The following ATG7 variants were observed in gnomAD, a reference collection of about 807,000 sequenced individuals.
The protein encoded by ATG7 is autophagy related 7, also known as ubiquitin-like modifier-activating enzyme ATG7.
ATG7 carries 70 observed loss-of-function variants against 82.4 expected under a neutral mutation model. That is an observed-to-expected ratio of 0.85 (90% confidence interval 0.70 to 1.04). The LOEUF (loss-of-function observed/expected upper bound fraction) is 1.04, where lower values mean the gene tolerates loss of function less well. ATG7 is among the 50% of genes least tolerant of loss of function. The pLI is 0.00. For synonymous variants in ATG7, 287 were observed against 313.0 expected, an observed-to-expected ratio of 0.92 and a Z score of 0.88; for missense variants, 792 against 864.3, an observed-to-expected ratio of 0.92 and a Z score of 1.05.
In ATG7 at chr3:11,358,601, A is replaced by G; in HGVS notation, c.1468A>G (p.Ser490Gly). ...SRWLPAVIAA[S>G]KRKLVINAAL... ...GTGGCTTCCTGCCGTCATTGCTGCAAGCAAGAGAAAGGTAGGCCCTGTCTC... is the reference window on the plus strand; with the variant it reads ...GTGGCTTCCTGCCGTCATTGCTGCAGGCAAGAGAAAGGTAGGCCCTGTCTC... The change falls in exon 15 of 21, where the codon AGC (serine) becomes GGC (glycine). Residue 490 changes from serine (S) to glycine (G), a missense_variant. Coordinates refer to ENST00000693202, the MANE Select transcript of ATG7 (RefSeq NM_001349232.2). 6.2e-7 allele frequency: 1 copy of G among 1,613,162 alleles called. No homozygotes were observed. Among genetic ancestry groups the G allele is most frequent in the East Asian group, 2.2e-5 (1 of 44,854 alleles).
chr3:11,448,576 C>A (rs1205674335), intron 20 of ATG7, among the ~76,000 whole-genome samples: 1 of 152,196 alleles, frequency 6.6e-6, no homozygotes, highest in Non-Finnish European at 1.5e-5. Flanking sequence ...CAACACAATA[C>A]AGGCCTTGCA....
chr3:11,456,914 G>A (rs1222519862), intron 20 of ATG7, among the ~76,000 whole-genome samples: 6 of 152,188 alleles, frequency 3.9e-5, no homozygotes, highest in Non-Finnish European at 8.8e-5. Flanking sequence ...GCACCTCTCA[G>A]GTGTGACCAT....
At chr3:11,463,072 A>G (rs1005947792) in intron 20 of ATG7, among the ~76,000 whole-genome samples, 6 of 151,832 alleles carry the variant, frequency 4.0e-5, no homozygotes, top group Non-Finnish European at 5.9e-5. Flanking sequence ...TTTAGTAGAG[A>G]TGGGGTTTTG....
At chr3:11,328,800 A>G (rs1162444989) in intron 9 of ATG7, among the ~76,000 whole-genome samples, 2 of 152,218 alleles carry the variant, frequency 1.3e-5, no homozygotes, top group African/African-American at 4.8e-5. Flanking sequence ...ATGAAACAAT[A>G]TTTAGGCCAG....
At chr3:11,299,546 C>G (rs779251227) in intron 5 of ATG7, 130 bp downstream of exon 5, 9 of 867,542 alleles carry the variant, frequency 1.0e-5, no homozygotes, top group Admixed American at 4.0e-5. Context: ...GTCAGCCCCC[C>G]TCATGATTCT....
intron 11 of ATG7, among the ~76,000 whole-genome samples, chr3:11,339,150 G>A (rs977619556): frequency 6.6e-6 from 1 of 151,962 alleles, no homozygotes; most frequent in Non-Finnish European, 1.5e-5. Flanking sequence ...CAAAAAATTA[G>A]CCGGGCATGC....
intron 20 of ATG7, among the ~76,000 whole-genome samples, chr3:11,478,814 C>T (rs1004277505): frequency 1.3e-5 from 2 of 151,732 alleles, no homozygotes; most frequent in African/African-American, 4.9e-5. Context: ...CAAGCCCAAA[C>T]TTGAATTAAA....
chr3:11,574,130 C>T, the ATG7 span, among the ~76,000 whole-genome samples: 1 of 152,154 alleles, frequency 6.6e-6, no homozygotes, highest in Non-Finnish European at 1.5e-5. Context: ...TGAGACAATA[C>T]GTTTTTCTTA....
At chr3:11,381,326 C>A (rs2077883074) in intron 19 of ATG7, among the ~76,000 whole-genome samples, 1 of 151,948 alleles carries the variant, frequency 6.6e-6, no homozygotes, top group Non-Finnish European at 1.5e-5. Flanking sequence ...AATGGTTGAG[C>A]TAACTGGTCT....
At chr3:11,345,615 G>A (rs962557286) in intron 13 of ATG7, among the ~76,000 whole-genome samples, 10 of 152,034 alleles carry the variant, frequency 6.6e-5, no homozygotes, top group African/African-American at 2.2e-4. Context: ...TATTCCTAAT[G>A]TTGTATATTT....
intron 20 of ATG7, among the ~76,000 whole-genome samples, chr3:11,496,751 TATC>T (rs1198786507): frequency 2.6e-5 from 4 of 152,230 alleles, no homozygotes; most frequent in African/African-American, 9.6e-5. Context: ...TGGGATGTAT[TATC>T]ATACTTTCTG....
intron 3 of ATG7, among the ~76,000 whole-genome samples, chr3:11,298,068 A>C (rs1217546752): frequency 6.6e-6 from 1 of 152,174 alleles, no homozygotes. Flanking sequence ...AGTCCCAGCT[A>C]CTTGGGAGGC....
At position 11,496,844 on chromosome 3, in the gene ATG7, T is replaced by A. The variant is rs6793953; in HGVS notation, c.2080-57967T>A. Among the ~76,000 whole-genome samples, 308 of 152,242 alleles carry A rather than the reference T, an allele frequency of 2.0e-3. 1 individual carries two copies. Among genetic ancestry groups the A allele is most frequent in the African/African-American group, 7.2e-3 (298 of 41,544 alleles). ...TCCATAGGCCTTTCCTTATGTCATGTCTTTTTATTATTTTTTATTTTATTT... is the reference window on the plus strand; with the variant it reads ...TCCATAGGCCTTTCCTTATGTCATGACTTTTTATTATTTTTTATTTTATTT... On this transcript the variant is annotated intron_variant, in intron 20 of 20. Coordinates refer to ENST00000693202, the MANE Select transcript of ATG7 (RefSeq NM_001349232.2).
chr3:11,414,532 T>C (rs975112958), intron 19 of ATG7, among the ~76,000 whole-genome samples: 1 of 152,216 alleles, frequency 6.6e-6, no homozygotes, highest in Admixed American at 6.5e-5. Context: ...CAGAATACCC[T>C]TTATTTCTTT....
chr3:11,486,149 T>C (rs4684783), intron 20 of ATG7, among the ~76,000 whole-genome samples: 132,385 of 152,156 alleles, frequency 0.87, 57,946 homozygotes, highest in East Asian at 1. Flanking sequence ...GCCATTTTCA[T>C]GATATTGATT....
Position 11,411,619 on chromosome 3 carries a change from C to CAAAAA in ATG7, c.1957-15160_1957-15156dup, listed in dbSNP as rs71055868. ...TGGTGACACAGCAAGACTCTGTCTCCAAAAAAAAAAAAAAAAAAAAAAAAA... is the reference window on the plus strand; with the variant it reads ...TGGTGACACAGCAAGACTCTGTCTCCAAAAAAAAAAAAAAAAAAAAAAAAAAAAAA... On this transcript the variant is annotated intron_variant, in intron 19 of 20. Transcript: ENST00000693202. Among the ~76,000 whole-genome samples, 362 of 71,690 alleles carry CAAAAA rather than the reference C, an allele frequency of 5.0e-3. 25 individuals are homozygous for CAAAAA. The highest frequency in any genetic ancestry group is 0.013 in the African/African-American group (284 of 21,734). The allele number at this position is 71,690 out of a possible 152,430, so 47.0% of individuals were successfully genotyped here. A position where few individuals can be genotyped will look rare whatever the true frequency, so the allele number is the denominator to read the frequency against.
intron 20 of ATG7, among the ~76,000 whole-genome samples, chr3:11,468,168 A>G (rs996699794): frequency 4.6e-5 from 7 of 152,244 alleles, no homozygotes; most frequent in Admixed American, 3.9e-4. Context: ...GTATGGCTGG[A>G]CACAGCTCAG....
intron 12 of ATG7, 108 bp from the exon 13 acceptor site, chr3:11,342,027 C>T: frequency 7.7e-7 from 1 of 1,305,088 alleles, no homozygotes; most frequent in Non-Finnish European, 1.0e-6. Flanking sequence ...TTCCTTTGAT[C>T]CCAATTTCCT....
At chr3:11,575,238 G>A in the ATG7 span, among the ~76,000 whole-genome samples, 25,271 of 152,114 alleles carry the variant, frequency 0.17, 2,346 homozygotes, top group East Asian at 0.33. Flanking sequence ...GAAGGCGGCC[G>A]CACTGAGTGC....
Sources: allele counts gnomAD v4.1 joint callset (sites outside exome capture counted in the v4.1 genomes callset), GRCh38; gene constraint gnomAD v4.1.1; transcripts MANE v1.5; gene names NCBI Gene and HGNC (gene_info 2026-07-23, HGNC 2026-07-21).